The following MRTFB variants were observed in gnomAD, a reference collection of about 807,000 sequenced individuals.
MRTFB encodes the protein myocardin related transcription factor B.
MRTFB carries 29 observed loss-of-function variants against 104.2 expected under a neutral mutation model. The observed-to-expected ratio is 0.28, with a 90% CI of 0.21 to 0.38. The LOEUF is 0.38. MRTFB is among the 10% of genes least tolerant of loss of function. The probability of loss-of-function intolerance (pLI) is 1.00; values close to 1 mark genes in which losing one functional copy is unlikely to be tolerated. For missense variants in MRTFB, 1,270 were observed against 1,341.6 expected (o/e 0.95, Z 0.83); for synonymous variants, 535 against 519.5 (o/e 1.03, Z -0.41).
chr16:14,253,499 A>G (rs2043342241), intron 15 of MRTFB, among the ~76,000 whole-genome samples: 1 of 152,168 alleles, frequency 6.6e-6, no homozygotes, highest in Non-Finnish European at 1.5e-5. Context: ...AGCTGCACCT[A>G]AGGAACGTGG....
the MRTFB span, among the ~76,000 whole-genome samples, chr16:14,051,558 A>G: frequency 1.3e-5 from 2 of 151,988 alleles, no homozygotes; most frequent in East Asian, 1.9e-4. Flanking sequence ...CACAGACAGT[A>G]CACTCATACA....
At chr16:14,235,863 T>C (rs922548597) in intron 9 of MRTFB, among the ~76,000 whole-genome samples, 7 of 152,210 alleles carry the variant, frequency 4.6e-5, no homozygotes, top group Admixed American at 1.3e-4. Context: ...CGTTCATTCT[T>C]ATGATCAGTT....
intron 3 of MRTFB, among the ~76,000 whole-genome samples, chr16:14,192,352 C>T (rs575135681): frequency 7.2e-5 from 11 of 152,034 alleles, no homozygotes; most frequent in South Asian, 6.3e-4. Flanking sequence ...CCAGCCTGGG[C>T]GACAGAACAA....
At chr16:14,194,960 G>A (rs990596823) in intron 3 of MRTFB, among the ~76,000 whole-genome samples, 2 of 152,024 alleles carry the variant, frequency 1.3e-5, no homozygotes, top group Admixed American at 6.6e-5. Flanking sequence ...CCCAGTGTGG[G>A]GCAAAGTAAA....
Position 14,248,965 on chromosome 16 carries a change from G to A in MRTFB, c.2287G>A (p.Ala763Thr), listed in dbSNP as rs560951949. The A allele has an allele frequency of 6.2e-7, 1 of 1,614,078 alleles. No individual in the cohort carries two copies. The highest frequency in any genetic ancestry group is 1.7e-5 in the Admixed American group (1 of 60,022). ...QAGMQTQPQI[A>T]TAAQIPTAAL... ...AGGAATGCAGACTCAGCCTCAGATA[G>A]CAACTGCTGCACAAATACCAACTGC... is the stretch of plus-strand genomic sequence containing the variant. Residue 763 changes from alanine (A) to threonine (T), a missense_variant, in exon 13 of 17, where the codon GCA becomes ACA. Transcript: ENST00000571589.
the MRTFB span, among the ~76,000 whole-genome samples, chr16:14,056,179 A>G: frequency 1.3e-5 from 2 of 152,070 alleles, no homozygotes; most frequent in Non-Finnish European, 1.5e-5. Flanking sequence ...GGGTTTCGTC[A>G]TGTTCGCCAG....
At chr16:14,038,034 G>A in the MRTFB span, among the ~76,000 whole-genome samples, 1 of 152,018 alleles carries the variant, frequency 6.6e-6, no homozygotes, top group African/African-American at 2.4e-5. Context: ...TTACTTTGCT[G>A]GAGATACCAT....
In MRTFB at chr16:14,262,715, C is replaced by G. The variant is rs1440039790; in HGVS notation, c.*1271C>G. 4 of 152,180 alleles carry G rather than the reference C, an allele frequency of 2.6e-5. No homozygotes were observed. Among genetic ancestry groups the G allele is most frequent in the Non-Finnish European group, 5.9e-5 (4 of 68,022 alleles). 9.4% of individuals were successfully genotyped at this position (152,180 alleles called of 1,614,324 possible). On this transcript the variant is annotated 3_prime_UTR_variant, in exon 17 of 17. Transcript: ENST00000571589. ...TTATTACATATGTGTTAAGTCATTT[C>G]TTAAGAATTTTCTAAAATGCCAACT...
At chr16:14,184,991 T>G (rs918171529) in intron 3 of MRTFB, among the ~76,000 whole-genome samples, 3 of 152,232 alleles carry the variant, frequency 2.0e-5, no homozygotes, top group Admixed American at 1.3e-4. Flanking sequence ...AAACAGCTAA[T>G]TAAGTGACCA....
At chr16:14,236,947 A>C (rs1348029632) in intron 9 of MRTFB, among the ~76,000 whole-genome samples, 1 of 152,192 alleles carries the variant, frequency 6.6e-6, no homozygotes, top group Non-Finnish European at 1.5e-5. Context: ...GGATTTGTGG[A>C]CAAGTTGGAT....
intron 10 of MRTFB, among the ~76,000 whole-genome samples, chr16:14,243,118 T>C (rs1383107575): frequency 6.6e-6 from 1 of 152,184 alleles, no homozygotes; most frequent in Non-Finnish European, 1.5e-5. Flanking sequence ...GAAACACTGA[T>C]TTAAAGAAAA....
chr16:14,118,884 C>T (rs1293530709), intron 2 of MRTFB, among the ~76,000 whole-genome samples: 1 of 151,734 alleles, frequency 6.6e-6, no homozygotes, highest in Admixed American at 6.6e-5. Flanking sequence ...TTTCATTTAG[C>T]CTTTCGTGTG....
At position 14,264,179 on chromosome 16, in the gene MRTFB, A is replaced by C. The variant is rs1377467955; in HGVS notation, c.*2735A>C. 6.6e-6 allele frequency: 1 copy of C among 152,328 alleles called. No individual in the cohort carries two copies. Among genetic ancestry groups the C allele is most frequent in the East Asian group, 1.9e-4 (1 of 5,186 alleles). 9.4% of individuals were successfully genotyped at this position (152,328 alleles called of 1,614,324 possible). ...GCACGTGTGTGGTTTAAGCAGTGGT[A>C]CTGTTGTATATCATATTGTAAAGTA... On this transcript the variant is annotated 3_prime_UTR_variant, in exon 17 of 17. Coordinates refer to ENST00000571589, the MANE Select transcript of MRTFB (RefSeq NM_001308142.2).
chr16:14,054,534 C>T, the MRTFB span, among the ~76,000 whole-genome samples: 1 of 152,110 alleles, frequency 6.6e-6, no homozygotes, highest in African/African-American at 2.4e-5. Context: ...TTCTTTAGCT[C>T]TCAGCTTCTA....
At chr16:14,026,684 G>A in the MRTFB span, among the ~76,000 whole-genome samples, 1 of 152,092 alleles carries the variant, frequency 6.6e-6, no homozygotes, top group Admixed American at 6.6e-5. Context: ...TATACACAAA[G>A]AACTTTAAAA....
chr16:14,142,383 AC>A (rs1397543849), intron 3 of MRTFB: 2 of 152,116 alleles, frequency 1.3e-5, no homozygotes, highest in East Asian at 3.9e-4. Context: ...AGTAGCTGGG[AC>A]TACAGGCGTC....
intron 3 of MRTFB, among the ~76,000 whole-genome samples, chr16:14,206,598 C>T (rs2040953256): frequency 1.3e-5 from 2 of 152,180 alleles, no homozygotes; most frequent in African/African-American, 4.8e-5. Context: ...CGCTCTGTTG[C>T]CCAGGCTTGA....
intron 8 of MRTFB, among the ~76,000 whole-genome samples, chr16:14,228,401 C>T (rs1435107904): frequency 2.0e-5 from 3 of 152,032 alleles, no homozygotes; most frequent in Non-Finnish European, 4.4e-5. Flanking sequence ...ATGGTGAAAC[C>T]CTGTCTCTAC....
At chr16:14,032,437 T>G in the MRTFB span, among the ~76,000 whole-genome samples, 1 of 152,220 alleles carries the variant, frequency 6.6e-6, no homozygotes, top group Non-Finnish European at 1.5e-5. Context: ...GCCCCATGCA[T>G]CTCTTGCATT....
Sources: allele counts gnomAD v4.1 joint callset (sites outside exome capture counted in the v4.1 genomes callset), GRCh38; gene constraint gnomAD v4.1.1; transcripts MANE v1.5; gene names NCBI Gene and HGNC (gene_info 2026-07-23, HGNC 2026-07-21).